Variants in MAP2K6 observed in about 807,000 individuals in gnomAD.
MAP2K6 encodes mitogen-activated protein kinase kinase 6, also known as dual specificity mitogen-activated protein kinase kinase 6.
Under a neutral mutation model 53.7 loss-of-function variants are expected in MAP2K6, and 16 were observed. The observed-to-expected ratio is 0.30, with a 90% CI of 0.20 to 0.45. MAP2K6 has a LOEUF of 0.45. Ranked by LOEUF, MAP2K6 falls within the 20% of genes least tolerant of loss-of-function variation. The probability of loss-of-function intolerance (pLI) is 1.00; values close to 1 mark genes in which losing one functional copy is unlikely to be tolerated. For synonymous variants in MAP2K6, 132 were observed against 143.1 expected (o/e 0.92, Z 0.55); for missense variants, 204 against 411.9 (o/e 0.50, Z 4.37).
At position 69,546,186 on chromosome 17, in the gene MAP2K6, T is replaced by A. The variant is rs780623161; in HGVS notation, c.*4433T>A. ...AAAATGAAATTCTTGGCCACTCAAC[T>A]CTCCACATTATTTCACTCTTTGTTT... On this transcript the variant is annotated 3_prime_UTR_variant, in exon 12 of 12. Coordinates refer to ENST00000590474, the MANE Select transcript of MAP2K6 (RefSeq NM_002758.4). The A allele has an allele frequency of 1.3e-5, 2 of 152,136 alleles. No homozygotes were observed. The highest frequency in any genetic ancestry group is 2.4e-5 in the African/African-American group (1 of 41,336). The allele number at this position is 152,136 out of a possible 1,614,324, so 9.4% of individuals were successfully genotyped here.
chr17:69,527,002 A>T (rs1194407570), intron 10 of MAP2K6, among the ~76,000 whole-genome samples: 1 of 152,202 alleles, frequency 6.6e-6, no homozygotes, highest in African/African-American at 2.4e-5. Context: ...ACCTCAGGAT[A>T]GGCTTTTCTG....
chr17:69,459,636 C>T (rs938016757), intron 1 of MAP2K6, among the ~76,000 whole-genome samples: 2 of 144,394 alleles, frequency 1.4e-5, no homozygotes, highest in African/African-American at 2.6e-5. Flanking sequence ...CGCTTGAACC[C>T]GAAAGGCGGA....
intron 1 of MAP2K6, among the ~76,000 whole-genome samples, chr17:69,489,763 A>G (rs1399151953): frequency 6.6e-6 from 1 of 152,086 alleles, no homozygotes; most frequent in Non-Finnish European, 1.5e-5. Context: ...AAATTTTTTG[A>G]TTTTCTTGAA....
At chr17:69,493,666 AAGG>A (rs957226374) in intron 1 of MAP2K6, among the ~76,000 whole-genome samples, 1 of 152,074 alleles carries the variant, frequency 6.6e-6, no homozygotes, top group Non-Finnish European at 1.5e-5. Flanking sequence ...GAGGCTGAGA[AAGG>A]AGAATTTCTT....
intron 1 of MAP2K6, among the ~76,000 whole-genome samples, chr17:69,480,136 C>T (rs778386868): frequency 2.6e-5 from 4 of 152,134 alleles, no homozygotes; most frequent in Non-Finnish European, 5.9e-5. Context: ...AATCTTCCAG[C>T]AATTCAGGGC....
intron 9 of MAP2K6, 133 bp from the exon 10 acceptor site, chr17:69,526,437 T>C: frequency 1.1e-6 from 1 of 886,276 alleles, no homozygotes; most frequent in Non-Finnish European, 1.7e-6. Context: ...GTTTATTTCC[T>C]GCCCCCCTAC....
chr17:69,479,141 G>A (rs1394301537), intron 1 of MAP2K6, among the ~76,000 whole-genome samples: 1 of 152,156 alleles, frequency 6.6e-6, no homozygotes, highest in Non-Finnish European at 1.5e-5. Flanking sequence ...GGTGATCACA[G>A]CTTCTGCCAG....
intron 2 of MAP2K6, among the ~76,000 whole-genome samples, chr17:69,511,852 A>C (rs536869494): frequency 6.6e-6 from 1 of 152,104 alleles, no homozygotes; most frequent in Non-Finnish European, 1.5e-5. Context: ...GGTGGCGGGC[A>C]CCTGTAATCC....
intron 1 of MAP2K6, among the ~76,000 whole-genome samples, chr17:69,453,195 G>A (rs1386770967): frequency 1.3e-5 from 2 of 152,220 alleles, no homozygotes; most frequent in Non-Finnish European, 2.9e-5. Context: ...TTCCTGGTAT[G>A]ACAAACTACG....
At chr17:69,488,996 G>T (rs1908647294) in intron 1 of MAP2K6, among the ~76,000 whole-genome samples, 1 of 152,096 alleles carries the variant, frequency 6.6e-6, no homozygotes. Context: ...TGAGGTGGGT[G>T]GATCACCTGA....
chr17:69,549,314 T>C lies in MAP2K6; in HGVS notation c.*7561T>C, dbSNP rs1040246606. Reference sequence around the variant, plus strand: ...AGGAAGGAGGCTAATGTTTAAGGCCTGGAGGCTGAATTCAGGGAGCGTATT... The same window carrying C: ...AGGAAGGAGGCTAATGTTTAAGGCCCGGAGGCTGAATTCAGGGAGCGTATT... On this transcript the variant is annotated 3_prime_UTR_variant, in exon 12 of 12. Coordinates refer to ENST00000590474, the MANE Select transcript of MAP2K6 (RefSeq NM_002758.4). 5 of 152,210 alleles carry C rather than the reference T, an allele frequency of 3.3e-5. No individual in the cohort carries two copies. The highest frequency in any genetic ancestry group is 1.2e-4 in the African/African-American group (5 of 41,464). 9.4% of individuals were successfully genotyped at this position (152,210 alleles called of 1,614,324 possible). A position where few individuals can be genotyped will look rare whatever the true frequency, so the allele number is the denominator to read the frequency against.
chr17:69,422,505 G>A (rs2145128007), intron 1 of MAP2K6, among the ~76,000 whole-genome samples: 1 of 152,252 alleles, frequency 6.6e-6, no homozygotes, highest in Middle Eastern at 3.4e-3. Flanking sequence ...CCTGTCATCT[G>A]TTTTACTTTC....
At chr17:69,497,992 A>C (rs1182061460) in intron 1 of MAP2K6, among the ~76,000 whole-genome samples, 4 of 140,892 alleles carry the variant, frequency 2.8e-5, no homozygotes, top group African/African-American at 1.0e-4. Context: ...TCCTGCTTTC[A>C]GGGTGCAATG....
chr17:69,525,315 A>G (rs936906875), intron 9 of MAP2K6, among the ~76,000 whole-genome samples: 6 of 152,156 alleles, frequency 3.9e-5, no homozygotes, highest in Non-Finnish European at 1.5e-5. Context: ...AAATTATTCG[A>G]GCCAAGGCAA....
chr17:69,426,387 A>G (rs921638156), intron 1 of MAP2K6, among the ~76,000 whole-genome samples: 2 of 152,256 alleles, frequency 1.3e-5, no homozygotes, highest in African/African-American at 2.4e-5. Context: ...TCATATATGT[A>G]ACATGCTTTG....
At chr17:69,502,370 G>T in intron 1 of MAP2K6, 1 of 985,456 alleles carries the variant, frequency 1.0e-6, no homozygotes, top group Non-Finnish European at 1.2e-6. Context: ...CCTCACCAGA[G>T]TCGCCTCTGC....
chr17:69,523,027 C>T (rs1910562132), intron 7 of MAP2K6, among the ~76,000 whole-genome samples: 1 of 152,186 alleles, frequency 6.6e-6, no homozygotes, highest in Non-Finnish European at 1.5e-5. Context: ...CACCACTGCA[C>T]ACCGGTTGAG....
In MAP2K6 at chr17:69,546,384, C is replaced by G. The variant is rs1352966706; in HGVS notation, c.*4631C>G. 2 of 152,106 alleles carry G rather than the reference C, an allele frequency of 1.3e-5. No homozygotes were observed. The highest frequency in any genetic ancestry group is 2.9e-5 in the Non-Finnish European group (2 of 68,014). 9.4% of individuals were successfully genotyped at this position (152,106 alleles called of 1,614,324 possible). On this transcript the variant is annotated 3_prime_UTR_variant, in exon 12 of 12. Transcript: ENST00000590474. ...GGCTGGTGCTAAGATGGACAGGGTT[C>G]CTGATTTCTCTCATTGAACTTGATT...
At position 69,446,976 on chromosome 17, in the gene MAP2K6, C is replaced by CTTTTTT. The variant is rs71357721; in HGVS notation, c.16+31989_16+31994dup. Among the ~76,000 whole-genome samples the CTTTTTT allele has an allele frequency of 1.5e-5, 2 of 129,520 alleles. 1 individual carries two copies. The highest frequency in any genetic ancestry group is 5.7e-5 in the African/African-American group (2 of 34,788). 85.0% of individuals were successfully genotyped at this position (129,520 alleles called of 152,430 possible). A position where few individuals can be genotyped will look rare whatever the true frequency, so the allele number is the denominator to read the frequency against. On this transcript the variant is annotated intron_variant, in intron 1 of 11. Coordinates refer to ENST00000590474, the MANE Select transcript of MAP2K6 (RefSeq NM_002758.4). ...TTGTATTTTATTATAACCTCTGTTT[C>CTTTTTT]TTTTTTTTTTTTTTTTTTGAGACGG... is the stretch of plus-strand genomic sequence containing the variant.
Sources: allele counts gnomAD v4.1 joint callset (sites outside exome capture counted in the v4.1 genomes callset), GRCh38; gene constraint gnomAD v4.1.1; transcripts MANE v1.5; gene names NCBI Gene and HGNC (gene_info 2026-07-23, HGNC 2026-07-21).